Variants in MMS22L observed in about 807,000 individuals in gnomAD.
The protein encoded by MMS22L is MMS22 like, DNA repair protein.
In MMS22L, 74 loss-of-function variants were observed where a neutral mutation model predicts 159.1. That is an observed-to-expected ratio of 0.47 (90% CI 0.39 to 0.56). The LOEUF (loss-of-function observed/expected upper bound fraction) is 0.56, where lower values mean the gene tolerates loss of function less well. MMS22L is among the 20% of genes least tolerant of loss of function. The probability of loss-of-function intolerance (pLI) is 0.00; values close to 1 mark genes in which losing one functional copy is unlikely to be tolerated. For synonymous variants in MMS22L, 517 were observed against 506.9 expected (o/e 1.02, Z -0.27); for missense variants, 1,351 against 1,422.1 (o/e 0.95, Z 0.80).
chr6:97,190,293 T>C (rs1430316378), intron 14 of MMS22L, among the ~76,000 whole-genome samples: 1 of 152,164 alleles, frequency 6.6e-6, no homozygotes, highest in Non-Finnish European at 1.5e-5. Flanking sequence ...AGTAGAAATA[T>C]GTAAGTAGAT....
chr6:97,241,114 T>A (rs1340536461), intron 11 of MMS22L, among the ~76,000 whole-genome samples: 1 of 152,216 alleles, frequency 6.6e-6, no homozygotes, highest in African/African-American at 2.4e-5. Context: ...CTCCACTCAA[T>A]CCAGGTTCCT....
rs1811129757 is a variant in MMS22L, at chr6:97,233,931, G to A, written c.1232C>T (p.Thr411Ile). The A allele has an allele frequency of 1.2e-6, 2 of 1,611,598 alleles. No homozygotes were observed. The highest frequency in any genetic ancestry group is 1.7e-6 in the Non-Finnish European group (2 of 1,178,836). ...QLRMYLHCCL[T>I]LCDFWEPNIA... Reference sequence around the variant, plus strand: ...GTTTGGCTCCCAGAAATCACAAAGTGTCAAACAACAGTGAAGATACATTCG... The same window carrying A: ...GTTTGGCTCCCAGAAATCACAAAGTATCAAACAACAGTGAAGATACATTCG... Residue 411 changes from threonine (T) to isoleucine (I), a missense_variant, in exon 12 of 25, where the codon ACA becomes ATA. By Grantham distance (89) the Thr-to-Ile change is moderately conservative. Transcript: ENST00000683635.
intron 14 of MMS22L, among the ~76,000 whole-genome samples, chr6:97,187,355 C>A (rs1805359442): frequency 6.6e-6 from 1 of 152,122 alleles, no homozygotes; most frequent in Non-Finnish European, 1.5e-5. Flanking sequence ...ATTTAGATAT[C>A]TCTAGACCTT....
intron 14 of MMS22L, among the ~76,000 whole-genome samples, chr6:97,213,843 A>G (rs1808665316): frequency 6.6e-6 from 1 of 152,180 alleles, no homozygotes; most frequent in Non-Finnish European, 1.5e-5. Context: ...GGAAAATAAA[A>G]GTTAATTTAT....
At chr6:97,237,803 A>G (rs1306329690) in intron 11 of MMS22L, among the ~76,000 whole-genome samples, 1 of 152,188 alleles carries the variant, frequency 6.6e-6, no homozygotes, top group Non-Finnish European at 1.5e-5. Flanking sequence ...TTATTATGAA[A>G]ATATTAAACT....
Position 97,143,415 on chromosome 6 carries a change from C to T in MMS22L, c.*3391G>A, listed in dbSNP as rs1318811373. On this transcript the variant is annotated 3_prime_UTR_variant, in exon 25 of 25. Transcript: ENST00000683635. Reference sequence around the variant, plus strand: ...CAGTCAGATAGGTGGCAGAAAGTCTCCAGACTGAAGGGTTTGAACATCACC... The same window carrying T: ...CAGTCAGATAGGTGGCAGAAAGTCTTCAGACTGAAGGGTTTGAACATCACC... The T allele has an allele frequency of 6.6e-6, 1 of 152,058 alleles. No homozygotes were observed. The highest frequency in any genetic ancestry group is 1.5e-5 in the Non-Finnish European group (1 of 68,004). The allele number at this position is 152,058 out of a possible 1,614,324, so 9.4% of individuals were successfully genotyped here.
intron 14 of MMS22L, among the ~76,000 whole-genome samples, chr6:97,224,111 G>A (rs749565721): frequency 3.1e-4 from 47 of 152,152 alleles, no homozygotes; most frequent in Non-Finnish European, 6.8e-4. Context: ...TTTTTGCACA[G>A]GCTAATCCTG....
rs116244835 is a variant in MMS22L at position 97,238,011 on chromosome 6, T to A, written c.1183-4031A>T. Among the ~76,000 whole-genome samples the A allele has an allele frequency of 7.0e-3, 1,071 of 152,282 alleles. 15 individuals carry two copies. The highest frequency in any genetic ancestry group is 0.024 in the African/African-American group (1,006 of 41,542). On this transcript the variant is annotated intron_variant, in intron 11 of 24. Coordinates refer to ENST00000683635, the MANE Select transcript of MMS22L (RefSeq NM_001350599.2). Reference sequence around the variant, plus strand: ...TAAACTATAAAAAATATGCAAAGTTTGGGAAAAGCAAAAGTATGAATGCTA... The same window carrying A: ...TAAACTATAAAAAATATGCAAAGTTAGGGAAAAGCAAAAGTATGAATGCTA...
chr6:97,268,463 C>A (rs1815382860), intron 7 of MMS22L, among the ~76,000 whole-genome samples: 1 of 152,120 alleles, frequency 6.6e-6, no homozygotes, highest in African/African-American at 2.4e-5. Context: ...GCTGGGATTA[C>A]AGGCGTGAGC....
chr6:97,209,585 C>T (rs1808153822), intron 14 of MMS22L, among the ~76,000 whole-genome samples: 1 of 151,952 alleles, frequency 6.6e-6, no homozygotes, highest in African/African-American at 2.4e-5. Flanking sequence ...AGAACTCAAA[C>T]TGCTTAAGGT....
At chr6:97,237,685 AC>A (rs1362899017) in intron 11 of MMS22L, among the ~76,000 whole-genome samples, 3 of 152,172 alleles carry the variant, frequency 2.0e-5, no homozygotes, top group African/African-American at 4.8e-5. Flanking sequence ...CTTCTTCCCA[AC>A]AAGTAGAGTT....
intron 10 of MMS22L, among the ~76,000 whole-genome samples, chr6:97,252,505 C>T (rs1359075790): frequency 2.6e-5 from 4 of 151,702 alleles, no homozygotes; most frequent in South Asian, 2.1e-4. Context: ...ATTAGCTGGG[C>T]GTGGTGGTGT....
chr6:97,214,350 A>G (rs1808735166), intron 14 of MMS22L, among the ~76,000 whole-genome samples: 1 of 152,226 alleles, frequency 6.6e-6, no homozygotes, highest in Non-Finnish European at 1.5e-5. Context: ...TATCTACACA[A>G]TGAACACCAA....
At chr6:97,161,364 TA>T (rs962103119) in intron 22 of MMS22L, among the ~76,000 whole-genome samples, 7 of 152,072 alleles carry the variant, frequency 4.6e-5, no homozygotes, top group Non-Finnish European at 1.0e-4. Context: ...ATGTTTTTAG[TA>T]ATACACTGGG....
chr6:97,223,563 A>G (rs1468972822), intron 14 of MMS22L, among the ~76,000 whole-genome samples: 2 of 152,142 alleles, frequency 1.3e-5, no homozygotes, highest in Non-Finnish European at 2.9e-5. Context: ...CTATCAAAAA[A>G]TCTTGAATGA....
intron 18 of MMS22L, among the ~76,000 whole-genome samples, chr6:97,176,905 T>C (rs910397365): frequency 5.3e-5 from 8 of 152,146 alleles, no homozygotes; most frequent in African/African-American, 1.9e-4. Flanking sequence ...GTCCTATGAA[T>C]CACAGAACCG....
intron 11 of MMS22L, among the ~76,000 whole-genome samples, chr6:97,241,234 T>C (rs1477240085): frequency 2.0e-5 from 3 of 152,242 alleles, no homozygotes; most frequent in Non-Finnish European, 2.9e-5. Context: ...GCTGGTTCCA[T>C]ATTTTTGCAA....
intron 22 of MMS22L, among the ~76,000 whole-genome samples, chr6:97,158,640 C>T (rs1802103038): frequency 6.6e-6 from 1 of 152,158 alleles, no homozygotes; most frequent in Non-Finnish European, 1.5e-5. Context: ...TTTCTTAATC[C>T]TGAGTTCCAA....
At chr6:97,213,749 A>G (rs888372953) in intron 14 of MMS22L, among the ~76,000 whole-genome samples, 12 of 152,320 alleles carry the variant, frequency 7.9e-5, no homozygotes, top group African/African-American at 2.6e-4. Flanking sequence ...ATGTTATTTG[A>G]TATTTGATAT....
Sources: gnomAD v4.1 joint callset for allele counts (sites outside exome capture counted in the v4.1 genomes callset) on GRCh38, gnomAD v4.1.1 for gene constraint, MANE v1.5 for transcripts, NCBI Gene and HGNC (gene_info 2026-07-23, HGNC 2026-07-21) for gene names.